Variants in SLC37A1 observed in about 807,000 individuals in gnomAD.
The protein encoded by SLC37A1 is solute carrier family 37 member 1.
Under a neutral mutation model 75.3 loss-of-function variants are expected in SLC37A1, and 49 were observed. The observed-to-expected ratio is 0.65, with a 90% CI of 0.52 to 0.83. The LOEUF (loss-of-function observed/expected upper bound fraction) is 0.83, where lower values mean the gene tolerates loss of function less well. Ranked by LOEUF, SLC37A1 falls within the 40% of genes least tolerant of loss-of-function variation. The probability of loss-of-function intolerance (pLI) is 0.00; values close to 1 mark genes in which losing one functional copy is unlikely to be tolerated. For missense variants in SLC37A1, 566 were observed against 695.0 expected, an observed-to-expected ratio of 0.81 and a Z score of 2.09; for synonymous variants, 268 against 292.1, an observed-to-expected ratio of 0.92 and a Z score of 0.84.
intron 6 of SLC37A1, among the ~76,000 whole-genome samples, chr21:42,541,973 C>A (rs1190673863): frequency 6.6e-6 from 1 of 152,170 alleles, no homozygotes; most frequent in Middle Eastern, 3.2e-3. Flanking sequence ...AATTCCTGAA[C>A]TCAAGAGACC....
chr21:42,513,947 G>A lies in SLC37A1; in HGVS notation c.-949G>A, dbSNP rs1348976937. 6.8e-6 allele frequency: 1 copy of A among 146,484 alleles called. No individual in the cohort carries two copies. The highest frequency in any genetic ancestry group is 2.0e-4 in the East Asian group (1 of 4,994). The allele number at this position is 146,484 out of a possible 1,614,324, so 9.1% of individuals were successfully genotyped here. On this transcript the variant is annotated 5_prime_UTR_variant, in exon 1 of 20. Transcript: ENST00000352133. ...CAGGTGAGGCGCGGGGCCGGGGCCG[G>A]ACCGGGAGGCGGGGACCCCCCGCCC...
rs142773119 is a variant in SLC37A1 at position 42,572,018 on chromosome 21, T to G, written c.1424-2800T>G. Reference sequence around the variant, plus strand: ...AGTCTAGACCCCTGTTTACCACTCCTGTGGTGGAAACTGGCTCCTAGCAGC... The same window carrying G: ...AGTCTAGACCCCTGTTTACCACTCCGGTGGTGGAAACTGGCTCCTAGCAGC... On this transcript the variant is annotated intron_variant, in intron 17 of 19. Transcript: ENST00000352133. 1.2e-3 allele frequency among the ~76,000 whole-genome samples: 179 copies of G among 152,280 alleles called. 1 individual carries two copies. The highest frequency in any genetic ancestry group is 3.9e-3 in the African/African-American group (161 of 41,564).
At chr21:42,546,296 C>G (rs1601721163) in intron 8 of SLC37A1, among the ~76,000 whole-genome samples, 1 of 152,192 alleles carries the variant, frequency 6.6e-6, no homozygotes, top group South Asian at 2.1e-4. Context: ...TGGTTCTGTT[C>G]CTTTTCAAGT....
At chr21:42,513,261 A>G (rs2054457995), upstream of SLC37A1, among the ~76,000 whole-genome samples, 1 of 152,034 alleles carries the variant, frequency 6.6e-6, no homozygotes, top group Admixed American at 6.5e-5. Context: ...CCGCAAGGGT[A>G]AGAACCCGGC....
chr21:42,536,939 C>T (rs773900953), intron 5 of SLC37A1, among the ~76,000 whole-genome samples: 1 of 152,200 alleles, frequency 6.6e-6, no homozygotes, highest in African/African-American at 2.4e-5. Flanking sequence ...CATAGTCACA[C>T]CACAGCCAGA....
intron 3 of SLC37A1, among the ~76,000 whole-genome samples, chr21:42,533,164 G>A (rs146793335): frequency 6.6e-6 from 1 of 152,298 alleles, no homozygotes; most frequent in African/African-American, 2.4e-5. Context: ...AGCGTTCTGT[G>A]CCCTGACCTG....
Position 42,539,591 on chromosome 21 carries a change from T to C in SLC37A1, c.430T>C (p.Phe144Leu). ...CGCCAGCGGAGCCTTCACCGCCCTG[T>C]TCGGCTTAGGGTATTTCTACAACAT... ...MLASGAFTAL[F>L]GLGYFYNIHS... Residue 144 changes from phenylalanine (F) to leucine (L), a missense_variant, in exon 6 of 20, where the codon TTC becomes CTC. Physicochemically the swap from Phe to Leu is conservative, Grantham distance 22. Coordinates refer to ENST00000352133, the MANE Select transcript of SLC37A1 (RefSeq NM_001320537.2). The C allele has an allele frequency of 3.1e-6, 5 of 1,614,082 alleles. No individual in the cohort carries two copies. Among genetic ancestry groups the C allele is most frequent in the Non-Finnish European group, 4.2e-6 (5 of 1,179,960 alleles).
At chr21:42,562,336 G>T (rs958261721) in intron 12 of SLC37A1, among the ~76,000 whole-genome samples, 168 bp downstream of exon 12, 4 of 152,208 alleles carry the variant, frequency 2.6e-5, no homozygotes, top group African/African-American at 9.6e-5. Flanking sequence ...AAAGAATTCA[G>T]ATATGCACAT....
chr21:42,505,232 T>C (rs1287316206), intron 2 of SLC37A1, among the ~76,000 whole-genome samples: 1 of 152,192 alleles, frequency 6.6e-6, no homozygotes, highest in African/African-American at 2.4e-5. Flanking sequence ...ATGTGGCCAC[T>C]AAGTCCCTCC....
In SLC37A1 at chr21:42,572,666, C is replaced by CCACA. The variant is rs201720402; in HGVS notation, c.1424-2143_1424-2140dup. Reference sequence around the variant, plus strand: ...TGTGAAATTGATAACAGGTTTTCAGCCACACACACACAAAAAAAAAAAAAA... The same window carrying CCACA: ...TGTGAAATTGATAACAGGTTTTCAGCCACACACACACACACAAAAAAAAAAAAAA... On this transcript the variant is annotated intron_variant, in intron 17 of 19. Coordinates refer to ENST00000352133, the MANE Select transcript of SLC37A1 (RefSeq NM_001320537.2). 6.5e-4 allele frequency among the ~76,000 whole-genome samples: 59 copies of CCACA among 90,134 alleles called. 1 individual carries two copies. Among genetic ancestry groups the CCACA allele is most frequent in the Middle Eastern group, 6.3e-3 (1 of 158 alleles). 59.1% of individuals were successfully genotyped at this position (90,134 alleles called of 152,430 possible). A position where few individuals can be genotyped will look rare whatever the true frequency, so the allele number is the denominator to read the frequency against.
intron 19 of SLC37A1, 65 bp downstream of exon 19, chr21:42,579,865 C>A: frequency 6.6e-7 from 1 of 1,507,704 alleles, no homozygotes; most frequent in Non-Finnish European, 9.2e-7. Context: ...TCTGTCCTAT[C>A]TGCCTTCTGC....
chr21:42,580,762 T>G lies in SLC37A1; in HGVS notation c.*402T>G. The G allele has an allele frequency of 4.2e-6, 1 of 237,388 alleles. No individual in the cohort carries two copies. The highest frequency in any genetic ancestry group is 8.3e-6 in the Non-Finnish European group (1 of 120,132). The allele number at this position is 237,388 out of a possible 1,614,324, so 14.7% of individuals were successfully genotyped here. A position where few individuals can be genotyped will look rare whatever the true frequency, so the allele number is the denominator to read the frequency against. On this transcript the variant is annotated 3_prime_UTR_variant, in exon 20 of 20. Transcript: ENST00000352133. ...CAAAGTGAGCGAGTACTGCGCTGGC[T>G]GTGGCTTCAGAGAACCTGTATGTGC...
At chr21:42,568,858 T>C (rs1402116707) in intron 17 of SLC37A1, among the ~76,000 whole-genome samples, 1 of 152,248 alleles carries the variant, frequency 6.6e-6, no homozygotes, top group East Asian at 1.9e-4. Flanking sequence ...TGGCATATTC[T>C]GGAATTTAAA....
intron 13 of SLC37A1, among the ~76,000 whole-genome samples, 190 bp downstream of exon 13, chr21:42,564,067 T>C (rs2146992465): frequency 6.6e-6 from 1 of 152,042 alleles, no homozygotes; most frequent in South Asian, 2.1e-4. Context: ...GGGCCCTGAC[T>C]CTGCACTTGA....
At chr21:42,567,289 C>T (rs971861008) in intron 16 of SLC37A1, among the ~76,000 whole-genome samples, 2 of 152,240 alleles carry the variant, frequency 1.3e-5, no homozygotes, top group African/African-American at 2.4e-5. Flanking sequence ...ACAAAAGGCT[C>T]TTGGGCGCCA....
At chr21:42,501,743 C>T (rs2054343919) in intron 1 of SLC37A1, among the ~76,000 whole-genome samples, 1 of 152,162 alleles carries the variant, frequency 6.6e-6, no homozygotes, top group Admixed American at 6.5e-5. Context: ...AAAAACAAAA[C>T]TATTATGCCT....
chr21:42,566,732 G>A (rs1274011554), intron 15 of SLC37A1, among the ~76,000 whole-genome samples: 1 of 152,216 alleles, frequency 6.6e-6, no homozygotes, highest in East Asian at 1.9e-4. Flanking sequence ...GATGAAGCAG[G>A]GGTCAGCCCA....
In SLC37A1 at chr21:42,540,580, C is replaced by G. The variant is rs1165821770; in HGVS notation, c.486+933C>G. Among the ~76,000 whole-genome samples, 4 of 152,264 alleles carry G rather than the reference C, an allele frequency of 2.6e-5. No homozygotes were observed. The South Asian group carries it at 8.3e-4, about 32-fold the overall frequency. On this transcript the variant is annotated intron_variant, in intron 6 of 19. Coordinates refer to ENST00000352133, the MANE Select transcript of SLC37A1 (RefSeq NM_001320537.2). ...GGGGAGAAGGCCTGAGGACAGCGCG[C>G]GCTGGCTTTGCCCTTGGAGCTGGAG...
intron 2 of SLC37A1, among the ~76,000 whole-genome samples, chr21:42,503,207 G>C (rs566882485): frequency 1.3e-5 from 2 of 149,468 alleles, no homozygotes; most frequent in African/African-American, 4.9e-5. Flanking sequence ...TTAATATGAA[G>C]TTGAACAAGG....
Sources: allele counts gnomAD v4.1 joint callset (sites outside exome capture counted in the v4.1 genomes callset), GRCh38; gene constraint gnomAD v4.1.1; transcripts MANE v1.5; gene names NCBI Gene and HGNC (gene_info 2026-07-23, HGNC 2026-07-21).